PRKCB: variants seen among roughly 807,000 people sequenced by gnomAD.
PRKCB encodes protein kinase C beta type.
A neutral mutation model predicts 81.5 loss-of-function variants in PRKCB; 13 were observed. The observed-to-expected ratio is 0.16, with a 90% CI of 0.10 to 0.25. The LOEUF (loss-of-function observed/expected upper bound fraction) is 0.25, where lower values mean the gene tolerates loss of function less well. Ranked by LOEUF, PRKCB falls within the 10% of genes least tolerant of loss-of-function variation. PRKCB has a pLI of 1.00. For synonymous variants in PRKCB, 335 were observed against 321.4 expected (o/e 1.04, Z -0.45); for missense variants, 509 against 875.7 (o/e 0.58, Z 5.29).
In PRKCB at chr16:24,218,561, A is replaced by G. The variant is rs1294439038; in HGVS notation, c.*3745A>G. On this transcript the variant is annotated 3_prime_UTR_variant, in exon 17 of 17. Coordinates refer to ENST00000643927, the MANE Select transcript of PRKCB (RefSeq NM_002738.7). ...TTGGCAAGAGTAAGGAGGGAACTCC[A>G]TAGAGACATTTTACCTATCTCAGGG... 1.9e-5 allele frequency: 19 copies of G among 985,346 alleles called. No individual in the cohort carries two copies. The highest frequency in any genetic ancestry group is 1.2e-4 in the Admixed American group (2 of 16,276). 61.0% of individuals were successfully genotyped at this position (985,346 alleles called of 1,614,324 possible). A position where few individuals can be genotyped will look rare whatever the true frequency, so the allele number is the denominator to read the frequency against.
intron 9 of PRKCB, among the ~76,000 whole-genome samples, chr16:24,129,065 C>T (rs1016566172): frequency 9.9e-5 from 15 of 152,136 alleles, no homozygotes; most frequent in African/African-American, 3.4e-4. Context: ...ATATTATAAA[C>T]GTGATTCCTC....
intron 13 of PRKCB, among the ~76,000 whole-genome samples, chr16:24,183,748 G>A (rs1474977054): frequency 6.6e-6 from 1 of 152,200 alleles, no homozygotes; most frequent in African/African-American, 2.4e-5. Context: ...CCAACCGGTA[G>A]ACAGCAGTCA....
Position 24,116,965 on chromosome 16 carries a change from G to A in PRKCB, c.918+3896G>A, listed in dbSNP as rs574445234. On this transcript the variant is annotated intron_variant, in intron 8 of 16. Coordinates refer to ENST00000643927, the MANE Select transcript of PRKCB (RefSeq NM_002738.7). ...CTGGGCCAGTAATTGGCTTGGAATA[G>A]GAGACTGTTTTATCCGCATGCAAGA... Among the ~76,000 whole-genome samples the A allele has an allele frequency of 4.6e-5, 7 of 152,328 alleles. No homozygotes were observed. In the South Asian group the frequency reaches 1.4e-3, roughly 32 times the overall value.
intron 2 of PRKCB, among the ~76,000 whole-genome samples, chr16:23,942,934 T>G (rs1964156620): frequency 6.6e-6 from 1 of 152,206 alleles, no homozygotes; most frequent in Non-Finnish European, 1.5e-5. Flanking sequence ...TTATTCACGA[T>G]TATTGTCTCT....
chr16:23,989,365 G>A (rs770286217), intron 3 of PRKCB, among the ~76,000 whole-genome samples: 4 of 152,108 alleles, frequency 2.6e-5, no homozygotes, highest in East Asian at 1.9e-4. Context: ...GATTCCAGGC[G>A]TGAGCCAGTG....
intron 2 of PRKCB, among the ~76,000 whole-genome samples, chr16:23,883,845 A>C (rs988645443): frequency 2.6e-5 from 4 of 152,196 alleles, no homozygotes; most frequent in Admixed American, 6.5e-5. Flanking sequence ...GTAGAAATAT[A>C]ACATGAGCCA....
intron 4 of PRKCB, among the ~76,000 whole-genome samples, chr16:24,032,542 C>T (rs1965563158): frequency 6.6e-6 from 1 of 152,182 alleles, no homozygotes. Context: ...GGTGGATTAG[C>T]AGATGGAGGT....
In PRKCB at chr16:23,933,925, A is replaced by T. The variant is rs55892429; in HGVS notation, c.206-54583A>T. On this transcript the variant is annotated intron_variant, in intron 2 of 16. Coordinates refer to ENST00000643927, the MANE Select transcript of PRKCB (RefSeq NM_002738.7). ...TACCCATCCATCCATCCATCCTTCC[A>T]TTCATCCATCCATCCATCCATCCAT... Among the ~76,000 whole-genome samples, 15 of 1,598 alleles carry T rather than the reference A, an allele frequency of 9.4e-3. 3 individuals are homozygous for T. Among genetic ancestry groups the T allele is most frequent in the African/African-American group, 0.015 (6 of 388 alleles). The allele number at this position is 1,598 out of a possible 152,430, so 1.0% of individuals were successfully genotyped here.
intron 2 of PRKCB, among the ~76,000 whole-genome samples, chr16:23,976,132 C>A (rs1384246121): frequency 6.6e-6 from 1 of 151,954 alleles, no homozygotes; most frequent in African/African-American, 2.4e-5. Flanking sequence ...CCTAGTGAGA[C>A]CCCATCTCTA....
intron 12 of PRKCB, among the ~76,000 whole-genome samples, chr16:24,179,762 T>A (rs976667012): frequency 5.9e-5 from 9 of 152,222 alleles, no homozygotes; most frequent in Non-Finnish European, 1.3e-4. Context: ...AATCACTATC[T>A]TATGTCCTCT....
chr16:23,995,622 G>T (rs1306898693), intron 3 of PRKCB, among the ~76,000 whole-genome samples: 1 of 152,054 alleles, frequency 6.6e-6, no homozygotes, highest in South Asian at 2.1e-4. Context: ...CTAAACCACC[G>T]AGCCATAAAG....
intron 7 of PRKCB, among the ~76,000 whole-genome samples, chr16:24,108,807 T>C (rs1260681185): frequency 1.7e-4 from 25 of 150,610 alleles, no homozygotes; most frequent in African/African-American, 2.0e-4. Context: ...CCACCTTTCC[T>C]GCCTTTCTAT....
At position 23,836,090 on chromosome 16, in the gene PRKCB, C is replaced by T; in HGVS notation, c.-86C>T. 1 of 978,058 alleles carries T rather than the reference C, an allele frequency of 1.0e-6. No individual in the cohort carries two copies. Among genetic ancestry groups the T allele is most frequent in the Non-Finnish European group, 1.2e-6 (1 of 812,350 alleles). The allele number at this position is 978,058 out of a possible 1,614,324, so 60.6% of individuals were successfully genotyped here. The stretch of plus-strand genomic sequence containing the variant: ...CGGCCCCGGGTGCAGCAGCGGCCGC[C>T]GCCTCCCGCGCCTCCCCGGCCCGCA... On this transcript the variant is annotated 5_prime_UTR_variant, in exon 1 of 17. Coordinates refer to ENST00000643927, the MANE Select transcript of PRKCB (RefSeq NM_002738.7).
At chr16:23,992,178 A>G (rs1357926971) in intron 3 of PRKCB, among the ~76,000 whole-genome samples, 1 of 152,232 alleles carries the variant, frequency 6.6e-6, no homozygotes, top group Non-Finnish European at 1.5e-5. Context: ...AGCCTCCAGA[A>G]CTGTGAGGAA....
intron 9 of PRKCB, among the ~76,000 whole-genome samples, chr16:24,134,322 G>T (rs1197944945): frequency 6.6e-6 from 1 of 152,148 alleles, no homozygotes; most frequent in East Asian, 1.9e-4. Flanking sequence ...GAGGCCAGGT[G>T]TGGTGGCTCA....
chr16:24,071,127 G>C (rs1966102371), intron 5 of PRKCB, among the ~76,000 whole-genome samples: 1 of 152,080 alleles, frequency 6.6e-6, no homozygotes, highest in South Asian at 2.1e-4. Flanking sequence ...TTAAGGACTT[G>C]GATGCTGCTC....
At chr16:23,893,898 C>T (rs1963332099) in intron 2 of PRKCB, 1 of 152,186 alleles carries the variant, frequency 6.6e-6, no homozygotes, top group Admixed American at 6.5e-5. Context: ...TCTGAATACT[C>T]CTAAGGATAA....
At position 24,158,765 on chromosome 16, in the gene PRKCB, C is replaced by T. The variant is rs183648522; in HGVS notation, c.1239+3908C>T. Reference sequence around the variant, plus strand: ...CCTTGGGCTCCTGGGCTCAATAGATCCTCCTGCCTCGGCCTCCCTAGTAGC... The same window carrying T: ...CCTTGGGCTCCTGGGCTCAATAGATTCTCCTGCCTCGGCCTCCCTAGTAGC... On this transcript the variant is annotated intron_variant, in intron 10 of 16. Coordinates refer to ENST00000643927, the MANE Select transcript of PRKCB (RefSeq NM_002738.7). 1.2e-3 allele frequency among the ~76,000 whole-genome samples: 190 copies of T among 152,088 alleles called. 3 individuals are homozygous for T. The highest frequency in any genetic ancestry group is 1.0e-3 in the Non-Finnish European group (68 of 67,986).
At chr16:23,848,005 G>A (rs75324959) in intron 2 of PRKCB, among the ~76,000 whole-genome samples, 103 of 152,294 alleles carry the variant, frequency 6.8e-4, no homozygotes, top group Admixed American at 2.7e-3. Flanking sequence ...GGGAGTTCCC[G>A]GATTGACAAG....
Sources: allele counts gnomAD v4.1 joint callset (sites outside exome capture counted in the v4.1 genomes callset), GRCh38; gene constraint gnomAD v4.1.1; transcripts MANE v1.5; gene names NCBI Gene and HGNC (gene_info 2026-07-23, HGNC 2026-07-21).